ADCY1: variants seen among roughly 807,000 people sequenced by gnomAD.
The protein encoded by ADCY1 is adenylate cyclase 1.
In ADCY1, 28 loss-of-function variants were observed where a neutral mutation model predicts 105.4. The observed-to-expected ratio is 0.27, with a 90% CI of 0.20 to 0.36. The LOEUF is 0.36. Ranked by LOEUF, ADCY1 falls within the 10% of genes least tolerant of loss-of-function variation. The pLI is 1.00. For synonymous variants in ADCY1, 655 were observed against 623.8 expected (o/e 1.05, Z -0.75); for missense variants, 977 against 1,434.2 (o/e 0.68, Z 5.15).
In ADCY1 at chr7:45,635,601, GTTTTTTTTT is replaced by G. The variant is rs71030884; in HGVS notation, c.1020+12878_1020+12886del. 1.6e-3 allele frequency among the ~76,000 whole-genome samples: 89 copies of G among 57,200 alleles called. 2 individuals are homozygous for G. In the East Asian group the frequency reaches 0.027, roughly 18 times the overall value. 37.5% of individuals were successfully genotyped at this position (57,200 alleles called of 152,430 possible). A position where few individuals can be genotyped will look rare whatever the true frequency, so the allele number is the denominator to read the frequency against. On this transcript the variant is annotated intron_variant, in intron 4 of 19. Coordinates refer to ENST00000297323, the MANE Select transcript of ADCY1 (RefSeq NM_021116.4). ...TTCAAAATACTTTCTAATTTCTCTT[GTTTTTTTTT>G]TTTTTTTTTTTTTTTTTTTCCAGAC...
intron 8 of ADCY1, among the ~76,000 whole-genome samples, chr7:45,663,310 C>T (rs576561516): frequency 9.8e-5 from 15 of 152,360 alleles, no homozygotes; most frequent in African/African-American, 3.6e-4. Context: ...CGTCTGTGAC[C>T]TTGGTGCAGC....
chr7:45,711,919 T>TA (rs1242061879), intron 19 of ADCY1, among the ~76,000 whole-genome samples: 2 of 86,300 alleles, frequency 2.3e-5, no homozygotes, highest in Non-Finnish European at 5.1e-5. Flanking sequence ...TATAAATATA[T>TA]TATATATTAT....
rs373343808 is a variant in ADCY1, at chr7:45,710,680, A to G, written c.3057+28A>G. 2.5e-6 allele frequency: 4 copies of G among 1,595,064 alleles called. No homozygotes were observed. The highest frequency in any genetic ancestry group is 1.1e-5 in the South Asian group (1 of 88,376). On this transcript the variant is annotated intron_variant, in intron 19 of 19. Coordinates refer to ENST00000297323, the MANE Select transcript of ADCY1 (RefSeq NM_021116.4). This position sits in a 1 kb window ranked among gnomAD's most constrained non-coding sequence, Gnocchi z 4.7. ...CAGTTCACCAAGAAACCCCTAAGGC[A>G]TGGGTGCCCATTCTTCAGGTGAGGA...
intron 3 of ADCY1, among the ~76,000 whole-genome samples, chr7:45,620,929 A>G (rs1793873621): frequency 6.6e-6 from 1 of 152,052 alleles, no homozygotes; most frequent in African/African-American, 2.4e-5. Context: ...CCCCGTGACC[A>G]ATCCTAGTTG....
intron 14 of ADCY1, among the ~76,000 whole-genome samples, chr7:45,698,386 C>T (rs368922276): frequency 2.5e-4 from 38 of 152,308 alleles, no homozygotes; most frequent in African/African-American, 8.7e-4. Flanking sequence ...ATGTAAATCA[C>T]ATTTCTCCTC....
chr7:45,634,135 C>T lies in ADCY1; in HGVS notation c.1020+11392C>T, dbSNP rs1021300405. The stretch of plus-strand genomic sequence containing the variant: ...AGCTCACTCATTTCTGGTAGGTTTC[C>T]GTATACATACGTTTTCTACATAAAT... On this transcript the variant is annotated intron_variant, in intron 4 of 19. Transcript: ENST00000297323. Among the ~76,000 whole-genome samples, 8 of 152,216 alleles carry T rather than the reference C, an allele frequency of 5.3e-5. No homozygotes were observed. The East Asian group carries it at 5.8e-4, about 11-fold the overall frequency.
intron 2 of ADCY1, among the ~76,000 whole-genome samples, chr7:45,602,452 T>C (rs1037258851): frequency 1.8e-4 from 27 of 152,168 alleles, no homozygotes; most frequent in Admixed American, 1.6e-3. Context: ...GCCCTGGCTG[T>C]TCCTCAGATG....
chr7:45,682,722 C>T (rs7809966), intron 11 of ADCY1, among the ~76,000 whole-genome samples: 2 of 152,158 alleles, frequency 1.3e-5, no homozygotes, highest in Non-Finnish European at 2.9e-5. Flanking sequence ...GTTGGGCCCA[C>T]CCAGGCTGGC....
intron 14 of ADCY1, among the ~76,000 whole-genome samples, chr7:45,701,638 T>A (rs1218406134): frequency 6.6e-6 from 1 of 152,232 alleles, no homozygotes; most frequent in Non-Finnish European, 1.5e-5. Flanking sequence ...TGGAGCCTGA[T>A]GTGTTAACAC....
At position 45,703,742 on chromosome 7, in the gene ADCY1, A is replaced by G; in HGVS notation, c.2714A>G (p.Asp905Gly). 6.3e-7 allele frequency: 1 copy of G among 1,580,374 alleles called. No individual in the cohort carries two copies. Among genetic ancestry groups the G allele is most frequent in the Non-Finnish European group, 8.6e-7 (1 of 1,161,220 alleles). ...RLLNEIIADF[D>G]ELMEKDFYKD... ...CTCAACGAGATCATCGCCGACTTTGACGAGGTGAGGCTGTGCGTCGCCATC... is the reference window on the plus strand; with the variant it reads ...CTCAACGAGATCATCGCCGACTTTGGCGAGGTGAGGCTGTGCGTCGCCATC... Residue 905 changes from aspartate (D) to glycine (G), a missense_variant, in exon 16 of 20, where the codon GAC (aspartate) becomes GGC (glycine). Asp to Gly is a moderately conservative substitution (Grantham distance 94). Coordinates refer to ENST00000297323, the MANE Select transcript of ADCY1 (RefSeq NM_021116.4). The surrounding 1 kb of genome is among the most constrained non-coding windows in gnomAD (Gnocchi z 5.9).
At chr7:45,650,535 G>A (rs1199525164) in intron 5 of ADCY1, among the ~76,000 whole-genome samples, 1 of 152,120 alleles carries the variant, frequency 6.6e-6, no homozygotes, top group African/African-American at 2.4e-5. Context: ...AGAGTTGAAT[G>A]ATGTGGGCTG....
chr7:45,710,439 A>G lies in ADCY1; in HGVS notation c.2933-89A>G. 1 of 1,538,044 alleles carries G rather than the reference A, an allele frequency of 6.5e-7. No homozygotes were observed. Among genetic ancestry groups the G allele is most frequent in the Admixed American group, 1.9e-5 (1 of 52,354 alleles). ...TGAAAGGAGCAGCCTTTTCTCCACC[A>G]GGAGCAGCATCAGGTGCATTTGGTG... On this transcript the variant is annotated intron_variant, in intron 18 of 19. Coordinates refer to ENST00000297323, the MANE Select transcript of ADCY1 (RefSeq NM_021116.4). This position sits in a 1 kb window ranked among gnomAD's most constrained non-coding sequence, Gnocchi z 4.7.
At chr7:45,712,110 ATT>A (rs1455900003) in intron 19 of ADCY1, among the ~76,000 whole-genome samples, 6 of 134,592 alleles carry the variant, frequency 4.5e-5, no homozygotes, top group African/African-American at 1.7e-4. Flanking sequence ...TAATTTTATA[ATT>A]TTATAAATTT....
chr7:45,623,930 A>C (rs999019527), intron 4 of ADCY1, among the ~76,000 whole-genome samples: 3 of 152,098 alleles, frequency 2.0e-5, no homozygotes, highest in African/African-American at 7.2e-5. Flanking sequence ...GTGTGGGAGG[A>C]GTACAGTGAG....
chr7:45,632,023 G>A (rs547372741), intron 4 of ADCY1, among the ~76,000 whole-genome samples: 1 of 151,780 alleles, frequency 6.6e-6, no homozygotes, highest in African/African-American at 2.4e-5. Context: ...ATTTTTTTTT[G>A]TTGTTATCTT....
Position 45,686,522 on chromosome 7 carries a change from G to C in ADCY1, c.2328-25G>C. On this transcript the variant is annotated intron_variant, in intron 13 of 19. Coordinates refer to ENST00000297323, the MANE Select transcript of ADCY1 (RefSeq NM_021116.4). The surrounding 1 kb of genome is among the most constrained non-coding windows in gnomAD (Gnocchi z 4.3). ...GCCCTGGAAGCTCGGCACTGACTTG[G>C]CTTTTCTTCCTCATCTTCCCCCAGG... 2.5e-6 allele frequency: 4 copies of C among 1,599,428 alleles called. No individual in the cohort carries two copies. Among genetic ancestry groups the C allele is most frequent in the Non-Finnish European group, 3.4e-6 (4 of 1,171,452 alleles).
chr7:45,668,637 G>C (rs1245515905), intron 8 of ADCY1, among the ~76,000 whole-genome samples: 1 of 152,164 alleles, frequency 6.6e-6, no homozygotes, highest in Non-Finnish European at 1.5e-5. Flanking sequence ...GGATGATGCT[G>C]GCCTCATAAA....
At position 45,719,346 on chromosome 7, in the gene ADCY1, C is replaced by T. The variant is rs1785422037; in HGVS notation, c.*5351C>T. Reference sequence around the variant, plus strand: ...TATTCTAGGGGCTTCCTGCCTTATCCTTCTGTTTGTTCATACACTTAGTGA... The same window carrying T: ...TATTCTAGGGGCTTCCTGCCTTATCTTTCTGTTTGTTCATACACTTAGTGA... On this transcript the variant is annotated 3_prime_UTR_variant, in exon 20 of 20. Coordinates refer to ENST00000297323, the MANE Select transcript of ADCY1 (RefSeq NM_021116.4). The T allele has an allele frequency of 6.6e-6, 1 of 152,244 alleles. No homozygotes were observed. The highest frequency in any genetic ancestry group is 6.5e-5 in the Admixed American group (1 of 15,284). 9.4% of individuals were successfully genotyped at this position (152,244 alleles called of 1,614,324 possible).
At position 45,710,172 on chromosome 7, in the gene ADCY1, C is replaced by G. The variant is rs994855451; in HGVS notation, c.2933-356C>G. Among the ~76,000 whole-genome samples, 4 of 152,166 alleles carry G rather than the reference C, an allele frequency of 2.6e-5. No individual in the cohort carries two copies. The highest frequency in any genetic ancestry group is 4.4e-5 in the Non-Finnish European group (3 of 68,020). On this transcript the variant is annotated intron_variant, in intron 18 of 19. Coordinates refer to ENST00000297323, the MANE Select transcript of ADCY1 (RefSeq NM_021116.4). The surrounding 1 kb of genome is among the most constrained non-coding windows in gnomAD (Gnocchi z 4.7). ...CCTGTAATCACAGATATTGAAAGGCCACACTTCTGAGTGGCTCCCCTGGTA... is the reference window on the plus strand; with the variant it reads ...CCTGTAATCACAGATATTGAAAGGCGACACTTCTGAGTGGCTCCCCTGGTA...
Sources: gnomAD v4.1 joint callset for allele counts (sites outside exome capture counted in the v4.1 genomes callset) on GRCh38, gnomAD v4.1.1 for gene constraint, Gnocchi (gnomAD v3.1) non-coding constraint, MANE v1.5 for transcripts, NCBI Gene and HGNC (gene_info 2026-07-23, HGNC 2026-07-21) for gene names.